Variants in GPR63 observed in about 807,000 individuals in gnomAD.
The protein encoded by GPR63 is G protein-coupled receptor 63.
A neutral mutation model predicts 23.1 loss-of-function variants in GPR63; 12 were observed. That is an observed-to-expected ratio of 0.52 (90% CI 0.33 to 0.84). The LOEUF is 0.84. Among genes scored for constraint, GPR63 ranks in the 40% least tolerant of loss-of-function variants. GPR63 has a pLI of 0.02. For missense variants in GPR63, 472 were observed against 515.6 expected, an observed-to-expected ratio of 0.92 and a Z score of 0.82; for synonymous variants, 172 against 191.1, an observed-to-expected ratio of 0.90 and a Z score of 0.82.
Position 96,796,008 on chromosome 6 carries a change from G to T in GPR63, c.*2464C>A, listed in dbSNP as rs987846775. The stretch of plus-strand genomic sequence containing the variant: ...TTTGAAGATAATCCCAAAACAACAT[G>T]TTGAATAATATGCTTGAGTCCCCAA... On this transcript the variant is annotated 3_prime_UTR_variant, in exon 2 of 2. Transcript: ENST00000229955. 2 of 152,130 alleles carry T rather than the reference G, an allele frequency of 1.3e-5. No homozygotes were observed. Among genetic ancestry groups the T allele is most frequent in the African/African-American group, 4.8e-5 (2 of 41,434 alleles). The allele number at this position is 152,130 out of a possible 1,614,324, so 9.4% of individuals were successfully genotyped here.
Position 96,798,713 on chromosome 6 carries a change from C to T in GPR63, c.1019G>A (p.Ser340Asn), listed in dbSNP as rs1773663813. 2 of 1,614,188 alleles carry T rather than the reference C, an allele frequency of 1.2e-6. No homozygotes were observed. Among genetic ancestry groups the T allele is most frequent in the African/African-American group, 1.3e-5 (1 of 75,040 alleles). The change falls in exon 2 of 2, where the codon AGT becomes AAT. Residue 340 changes from serine (S) to asparagine (N), a missense_variant. By Grantham distance (46) the Ser-to-Asn change is conservative. Transcript: ENST00000229955. The part of the protein sequence containing the change: ...FTTYSLVATF[S>N]KHFYYQHNFF... ...GTTGTGCTGATAGTAAAAGTGCTTA[C>T]TGAATGTTGCCACAAGGCTGTAAGT...
At chr6:96,836,594 G>C (rs1774734415) in intron 1 of GPR63, among the ~76,000 whole-genome samples, 1 of 140,728 alleles carries the variant, frequency 7.1e-6, no homozygotes, top group Non-Finnish European at 1.6e-5. Context: ...AAGATATGTT[G>C]TTGGATTTTT....
rs368675077 is a variant in GPR63 at position 96,798,863 on chromosome 6, T to G, written c.869A>C (p.Lys290Thr). 27 of 1,614,162 alleles carry G rather than the reference T, an allele frequency of 1.7e-5. No individual in the cohort carries two copies. Among genetic ancestry groups the G allele is most frequent in the Non-Finnish European group, 2.3e-5 (27 of 1,180,034 alleles). ...PEGICLSQAS[K>T]LGLMSLQRPF... Reference sequence around the variant, plus strand: ...TCTCTGCAGACTCATGAGACCCAGTTTGCTGGCCTGGCTGAGGCATATACC... The same window carrying G: ...TCTCTGCAGACTCATGAGACCCAGTGTGCTGGCCTGGCTGAGGCATATACC... Residue 290 changes from lysine (K) to threonine (T), a missense_variant, in exon 2 of 2, where the codon AAA becomes ACA. By Grantham distance (78) the Lys-to-Thr change is moderately conservative. Coordinates refer to ENST00000229955, the MANE Select transcript of GPR63 (RefSeq NM_030784.4).
intron 1 of GPR63, among the ~76,000 whole-genome samples, chr6:96,815,490 A>C (rs1372374362): frequency 6.6e-6 from 1 of 152,190 alleles, no homozygotes; most frequent in Admixed American, 6.6e-5. Flanking sequence ...AAGTTCTAAA[A>C]ATCTTCTGTA....
At chr6:96,803,618 T>TTATGAAG in intron 1 of GPR63, among the ~76,000 whole-genome samples, 1 of 152,238 alleles carries the variant, frequency 6.6e-6, no homozygotes, top group South Asian at 2.1e-4. Flanking sequence ...CTTCCTTTTC[T>TTATGAAG]TATGAAGTAT....
intron 1 of GPR63, among the ~76,000 whole-genome samples, chr6:96,828,442 T>C (rs1471252971): frequency 1.3e-5 from 2 of 151,594 alleles, no homozygotes; most frequent in Non-Finnish European, 2.9e-5. Flanking sequence ...AATTCCGTAA[T>C]AGAAGGCAAA....
chr6:96,815,249 C>T (rs936564180), intron 1 of GPR63, among the ~76,000 whole-genome samples: 2 of 152,172 alleles, frequency 1.3e-5, no homozygotes, highest in South Asian at 2.1e-4. Context: ...ATAAAACAGG[C>T]ACTTTCTGAT....
intron 1 of GPR63, among the ~76,000 whole-genome samples, chr6:96,809,264 C>A (rs1389206605): frequency 6.6e-6 from 1 of 152,078 alleles, no homozygotes; most frequent in Admixed American, 6.6e-5. Context: ...TTTGCCTCCC[C>A]AGTTAGGCCT....
chr6:96,804,838 T>G (rs1773855914), intron 1 of GPR63, among the ~76,000 whole-genome samples: 1 of 152,232 alleles, frequency 6.6e-6, no homozygotes, highest in Non-Finnish European at 1.5e-5. Context: ...TTGAAACTTC[T>G]GAATTACAGT....
intron 1 of GPR63, among the ~76,000 whole-genome samples, chr6:96,802,590 A>T (rs186527754): frequency 4.3e-4 from 62 of 144,870 alleles, no homozygotes; most frequent in Admixed American, 2.4e-3. Context: ...CCCAGGCTGG[A>T]GTGCAGTGGC....
intron 1 of GPR63, among the ~76,000 whole-genome samples, chr6:96,804,422 C>A (rs1006302790): frequency 6.6e-6 from 1 of 152,136 alleles, no homozygotes; most frequent in Admixed American, 6.5e-5. Context: ...TTTTATTAAT[C>A]CCATTGTTCC....
At chr6:96,806,244 C>A (rs1773895575) in intron 1 of GPR63, among the ~76,000 whole-genome samples, 1 of 152,134 alleles carries the variant, frequency 6.6e-6, no homozygotes, top group Non-Finnish European at 1.5e-5. Context: ...AGAGGCCTGC[C>A]ATCTTTTAAA....
At chr6:96,813,289 C>G (rs985477450) in intron 1 of GPR63, among the ~76,000 whole-genome samples, 1 of 152,116 alleles carries the variant, frequency 6.6e-6, no homozygotes, top group African/African-American at 2.4e-5. Flanking sequence ...GTGAATACTG[C>G]TATGATAAAC....
At chr6:96,804,215 T>C (rs892202099) in intron 1 of GPR63, among the ~76,000 whole-genome samples, 2 of 152,166 alleles carry the variant, frequency 1.3e-5, no homozygotes, top group African/African-American at 2.4e-5. Flanking sequence ...CCTCTTTCCT[T>C]AGTCTTACCT....
At position 96,827,046 on chromosome 6, in the gene GPR63, T is replaced by TAA. The variant is rs11461025; in HGVS notation, c.-151+10220_-151+10221dup. ...AGTTCCAAGGCAAGTGAACACAGTC[T>TAA]AAAAAAAAAAAAAAACCACAAAAAC... On this transcript the variant is annotated intron_variant, in intron 1 of 1. Coordinates refer to ENST00000229955, the MANE Select transcript of GPR63 (RefSeq NM_030784.4). Among the ~76,000 whole-genome samples the TAA allele has an allele frequency of 4.9e-3, 604 of 122,440 alleles. 5 individuals are homozygous for TAA. Among genetic ancestry groups the TAA allele is most frequent in the African/African-American group, 0.016 (516 of 32,974 alleles). The allele number at this position is 122,440 out of a possible 152,430, so 80.3% of individuals were successfully genotyped here. A position where few individuals can be genotyped will look rare whatever the true frequency, so the allele number is the denominator to read the frequency against.
Position 96,795,462 on chromosome 6 carries a change from T to C in GPR63, c.*3010A>G, listed in dbSNP as rs1773557496. 1 of 152,216 alleles carries C rather than the reference T, an allele frequency of 6.6e-6. No individual in the cohort carries two copies. Among genetic ancestry groups the C allele is most frequent in the African/African-American group, 2.4e-5 (1 of 41,448 alleles). 9.4% of individuals were successfully genotyped at this position (152,216 alleles called of 1,614,324 possible). On this transcript the variant is annotated 3_prime_UTR_variant, in exon 2 of 2. Transcript: ENST00000229955. ...GTACTTATTTTTAAAGCTTTCACAA[T>C]GTATACATAATAAAAATGTTCAAAA...
At chr6:96,836,647 A>G (rs1554194124) in intron 1 of GPR63, among the ~76,000 whole-genome samples, 1 of 152,104 alleles carries the variant, frequency 6.6e-6, no homozygotes, top group Non-Finnish European at 1.5e-5. Flanking sequence ...TTATTATTAA[A>G]AAGAAGAATG....
rs1773635195 is a variant in GPR63 at position 96,797,953 on chromosome 6, T to C, written c.*519A>G. ...TTAATTTGTACATTATCTCTTAAAG[T>C]GCACCAAAGTAAATAGTAATGACCC... is the stretch of plus-strand genomic sequence containing the variant. On this transcript the variant is annotated 3_prime_UTR_variant, in exon 2 of 2. Coordinates refer to ENST00000229955, the MANE Select transcript of GPR63 (RefSeq NM_030784.4). The C allele has an allele frequency of 2.6e-5, 4 of 153,006 alleles. No homozygotes were observed. The highest frequency in any genetic ancestry group is 1.3e-4 in the Admixed American group (2 of 15,398). 9.5% of individuals were successfully genotyped at this position (153,006 alleles called of 1,614,324 possible).
At chr6:96,813,075 C>T (rs1359461288) in intron 1 of GPR63, among the ~76,000 whole-genome samples, 1 of 152,066 alleles carries the variant, frequency 6.6e-6, no homozygotes, top group African/African-American at 2.4e-5. Flanking sequence ...TCTTTAGCTC[C>T]CACATGAATA....
Sources: gnomAD v4.1 joint callset for allele counts (sites outside exome capture counted in the v4.1 genomes callset) on GRCh38, gnomAD v4.1.1 for gene constraint, MANE v1.5 for transcripts, NCBI Gene and HGNC (gene_info 2026-07-23, HGNC 2026-07-21) for gene names.